The following ADAMTS13 variants were observed in gnomAD, a reference collection of about 807,000 sequenced individuals.
ADAMTS13 encodes A disintegrin and metalloproteinase with thrombospondin motifs 13.
ADAMTS13 carries 110 observed loss-of-function variants against 155.1 expected under a neutral mutation model. That is an observed-to-expected ratio of 0.71 (90% CI 0.61 to 0.83). ADAMTS13 has a LOEUF of 0.83. ADAMTS13 is among the 40% of genes least tolerant of loss of function. ADAMTS13 has a pLI of 0.00. For missense variants in ADAMTS13, 1,707 were observed against 1,891.7 expected (o/e 0.90, Z 1.81); for synonymous variants, 758 against 756.4 (o/e 1.00, Z -0.03).
intron 27 of ADAMTS13, 67 bp from the exon 28 acceptor site, chr9:133,457,843 T>G: frequency 3.6e-4 from 579 of 1,591,414 alleles, no homozygotes; most frequent in Non-Finnish European, 4.4e-4. Flanking sequence ...TCCCTGGCTG[T>G]GAGTTGTCCT....
chr9:133,423,406 G>A (rs781866815), intron 2 of ADAMTS13, among the ~76,000 whole-genome samples: 17 of 152,214 alleles, frequency 1.1e-4, no homozygotes, highest in Non-Finnish European at 1.6e-4. Flanking sequence ...ACAAGGGAAC[G>A]GTCACCGATT....
intron 8 of ADAMTS13, 187 bp downstream of exon 8, chr9:133,430,288 C>T: frequency 1.2e-6 from 1 of 851,516 alleles, no homozygotes; most frequent in South Asian, 1.4e-5. Flanking sequence ...TGAACAAAAG[C>T]TCCAACATTT....
chr9:133,430,459 C>T (rs1272969115), intron 8 of ADAMTS13, among the ~76,000 whole-genome samples: 1 of 152,004 alleles, frequency 6.6e-6, no homozygotes, highest in Admixed American at 6.6e-5. Flanking sequence ...AGGAAGTGGC[C>T]TCTAAACTGA....
rs1364340476 is a variant in ADAMTS13, at chr9:133,440,559, GCTT to G, written c.1968+41_1968+43del. The G allele has an allele frequency of 1.9e-6, 3 of 1,555,240 alleles. No homozygotes were observed. Among genetic ancestry groups the G allele is most frequent in the East Asian group, 2.4e-5 (1 of 42,514 alleles). ...GAGAGCCTGGGGGAGGCCAGTGGGG[GCTT>G]CTTCTTGGGGGCTATGGCTGCTTGC... On this transcript the variant is annotated intron_variant, in intron 16 of 28. Coordinates refer to ENST00000355699, the MANE Select transcript of ADAMTS13 (RefSeq NM_139027.6). This position sits in a 1 kb window ranked among gnomAD's most constrained non-coding sequence, Gnocchi z 4.3.
intron 24 of ADAMTS13, among the ~76,000 whole-genome samples, chr9:133,455,076 C>G (rs1842660680): frequency 6.6e-6 from 1 of 152,118 alleles, no homozygotes; most frequent in Admixed American, 6.5e-5. Flanking sequence ...TGACAGGGAC[C>G]CAGACTTGAA....
upstream of ADAMTS13, among the ~76,000 whole-genome samples, chr9:133,421,522 C>T (rs1010419900): frequency 1.3e-5 from 2 of 152,166 alleles, no homozygotes; most frequent in Non-Finnish European, 2.9e-5. Flanking sequence ...GCTCTCTTCC[C>T]TAGAATTTAA....
At position 133,442,727 on chromosome 9, in the gene ADAMTS13, G is replaced by C; in HGVS notation, c.2218G>C (p.Glu740Gln). 1.2e-6 allele frequency: 2 copies of C among 1,612,790 alleles called. No homozygotes were observed. The highest frequency in any genetic ancestry group is 1.7e-6 in the Non-Finnish European group (2 of 1,179,938). Residue 740 changes from glutamate (E) to glutamine (Q), a missense_variant, in exon 18 of 29, where the codon GAA (glutamate) becomes CAA (glutamine). This residue lies in a region of ADAMTS13 where 961 missense variants were observed against 1,107.9 expected (regional missense o/e 0.87). Transcript: ENST00000355699. ...AGCGTGGCCAGAGGCCTGCGTGCTC[G>C]AACCCTGCCCTCCCTAGTGAGTGTG... ...PPAWPEACVL[E>Q]PCPPYWAVGD...
At chr9:133,437,002 AC>A in intron 12 of ADAMTS13, 47 bp downstream of exon 12, 1 of 1,571,844 alleles carries the variant, frequency 6.4e-7, no homozygotes, top group Non-Finnish European at 8.6e-7. Flanking sequence ...AGCCCTGGAG[AC>A]CCTCGGACAG....
Position 133,456,977 on chromosome 9 carries a change from T to A in ADAMTS13, c.3724+258T>A. On this transcript the variant is annotated intron_variant, in intron 27 of 28. Coordinates refer to ENST00000355699, the MANE Select transcript of ADAMTS13 (RefSeq NM_139027.6). The surrounding 1 kb of genome is among the most constrained non-coding windows in gnomAD (Gnocchi z 4.4). ...TGTGGGACATGGTCCACATCCTCAG[T>A]CAGTCCCTCAGGCCTCTGCCCCACA... 1 of 607,370 alleles carries A rather than the reference T, an allele frequency of 1.6e-6. No individual in the cohort carries two copies. The allele number at this position is 607,370 out of a possible 1,614,324, so 37.6% of individuals were successfully genotyped here.
intron 1 of ADAMTS13, 94 bp from the exon 2 acceptor site, chr9:133,423,007 C>T: frequency 1.1e-6 from 1 of 877,962 alleles, no homozygotes; most frequent in Non-Finnish European, 1.8e-6. Context: ...AACTCCTGGA[C>T]TCAAGTGATC....
Position 133,428,786 on chromosome 9 carries a change from G to C in ADAMTS13, c.824+15G>C. On this transcript the variant is annotated intron_variant, in intron 7 of 28. Coordinates refer to ENST00000355699, the MANE Select transcript of ADAMTS13 (RefSeq NM_139027.6). ...AGCCTGCTCAGGTAGCGGCCGCCCC[G>C]TGGGAGGGGCGCGCGAGCCTCCAGC... 7.7e-7 allele frequency: 1 copy of C among 1,305,372 alleles called. No individual in the cohort carries two copies. Among genetic ancestry groups the C allele is most frequent in the Non-Finnish European group, 9.8e-7 (1 of 1,024,836 alleles). 80.9% of individuals were successfully genotyped at this position (1,305,372 alleles called of 1,614,324 possible). A position where few individuals can be genotyped will look rare whatever the true frequency, so the allele number is the denominator to read the frequency against.
Position 133,445,003 on chromosome 9 carries a change from C to T in ADAMTS13, c.2561C>T (p.Pro854Leu), listed in dbSNP as rs2130889632. ...EGPGSVDEKLPAPEPCVGMSC... is the reference protein window; with the variant it reads ...EGPGSVDEKLLAPEPCVGMSC... ...CCTGGCTCCGTAGATGAGAAGCTGC[C>T]TGCCCCTGAGCCCTGTGTCGGGATG... Residue 854 changes from proline to leucine, a missense_variant, in exon 20 of 29, where the codon CCT becomes CTT. By Grantham distance (98) the Pro-to-Leu change is moderately conservative (BLOSUM62 -3). Coordinates refer to ENST00000355699, the MANE Select transcript of ADAMTS13 (RefSeq NM_139027.6). This position sits in a 1 kb window ranked among gnomAD's most constrained non-coding sequence, Gnocchi z 5.0. 1 of 1,613,518 alleles carries T rather than the reference C, an allele frequency of 6.2e-7. No homozygotes were observed. The highest frequency in any genetic ancestry group is 1.1e-5 in the South Asian group (1 of 91,078).
In ADAMTS13 at chr9:133,440,256, G is replaced by T; in HGVS notation, c.1787-88G>T. Reference sequence around the variant, plus strand: ...TGTGGCTCCTTAGAGGAGGGCTGGGGACCCCGGGAAGGAGAGTCACTGACA... The same window carrying T: ...TGTGGCTCCTTAGAGGAGGGCTGGGTACCCCGGGAAGGAGAGTCACTGACA... On this transcript the variant is annotated intron_variant, in intron 15 of 28. Coordinates refer to ENST00000355699, the MANE Select transcript of ADAMTS13 (RefSeq NM_139027.6). This position sits in a 1 kb window ranked among gnomAD's most constrained non-coding sequence, Gnocchi z 4.3. 6.4e-7 allele frequency: 1 copy of T among 1,564,902 alleles called. No individual in the cohort carries two copies. Among genetic ancestry groups the T allele is most frequent in the Non-Finnish European group, 8.7e-7 (1 of 1,143,246 alleles).
chr9:133,437,739 G>C lies in ADAMTS13; in HGVS notation c.1436-10G>C, dbSNP rs781982967. The stretch of plus-strand genomic sequence containing the variant: ...GGTTCAGGACACCCTTTTTCACTCT[G>C]CCCTCCCAGGGGATGCTCTGTGCAG... On this transcript the variant is annotated splice_polypyrimidine_tract_variant and intron_variant, in intron 12 of 28. Transcript: ENST00000355699. 3.7e-6 allele frequency: 6 copies of C among 1,613,538 alleles called. No individual in the cohort carries two copies. In the East Asian group the frequency reaches 1.3e-4, roughly 36 times the overall value.
chr9:133,429,913 C>G, intron 7 of ADAMTS13, 26 bp from the exon 8 acceptor site: 4 of 1,534,354 alleles, frequency 2.6e-6, no homozygotes, highest in Non-Finnish European at 3.5e-6. Context: ...GGGACTGAGC[C>G]GGGCCTGAGC....
At position 133,449,779 on chromosome 9, in the gene ADAMTS13, C is replaced by A; in HGVS notation, c.2862-4C>A. On this transcript the variant is annotated splice_region_variant and splice_polypyrimidine_tract_variant and intron_variant, in intron 22 of 28. Coordinates refer to ENST00000355699, the MANE Select transcript of ADAMTS13 (RefSeq NM_139027.6). ...TTGGGGTCCCTGACTCCAGTTTGCT[C>A]CAGGTGGCAGTACAAGCTGGCGGCC... 1 of 1,613,796 alleles carries A rather than the reference C, an allele frequency of 6.2e-7. No individual in the cohort carries two copies. The highest frequency in any genetic ancestry group is 8.5e-7 in the Non-Finnish European group (1 of 1,180,028).
At chr9:133,458,555 C>CAAAAAAAAA (rs10699153) in intron 28 of ADAMTS13, among the ~76,000 whole-genome samples, 1,397 of 56,106 alleles carry the variant, frequency 0.025, 233 homozygotes, top group East Asian at 0.055. Flanking sequence ...GACTCTGTCT[C>CAAAAAAAAA]AAAAAAAAAA....
chr9:133,429,682 C>T, intron 7 of ADAMTS13: 1 of 670,190 alleles, frequency 1.5e-6, no homozygotes, highest in Non-Finnish European at 2.7e-6. Flanking sequence ...TAACCTGCAT[C>T]TGCTCCATCC....
intron 6 of ADAMTS13, among the ~76,000 whole-genome samples, chr9:133,427,456 C>G (rs919998201): frequency 6.6e-6 from 1 of 152,188 alleles, no homozygotes; most frequent in South Asian, 2.1e-4. Context: ...AACCCCCACC[C>G]GACCCCTTTC....
Sources: gnomAD v4.1 joint callset for allele counts (sites outside exome capture counted in the v4.1 genomes callset) on GRCh38, gnomAD v4.1.1 for gene constraint, gnomAD v4.1.1 regional missense constraint, Gnocchi (gnomAD v3.1) non-coding constraint, MANE v1.5 for transcripts, NCBI Gene and HGNC (gene_info 2026-07-23, HGNC 2026-07-21) for gene names.